The following VWA2 variants were observed in gnomAD, a reference collection of about 807,000 sequenced individuals.
The protein encoded by VWA2 is von Willebrand factor A domain containing 2.
In VWA2, 73 loss-of-function variants were observed where a neutral mutation model predicts 70.4. The ratio of observed to expected loss-of-function variants is 1.04; its 90% confidence interval spans 0.86 to 1.26. VWA2 has a LOEUF of 1.26. VWA2 is among the 50% of genes most tolerant of loss of function. The pLI is 0.00. For synonymous variants in VWA2, 407 were observed against 423.3 expected (o/e 0.96, Z 0.47); for missense variants, 1,011 against 998.5 (o/e 1.01, Z -0.17).
intron 1 of VWA2, among the ~76,000 whole-genome samples, chr10:114,242,824 A>G (rs1218593482): frequency 1.3e-5 from 2 of 152,228 alleles, no homozygotes; most frequent in Non-Finnish European, 2.9e-5. Flanking sequence ...GTAATGATAA[A>G]CTTTTAACAT....
rs1428252593 is a variant in VWA2, at chr10:114,248,698, C to T, written c.-10-6C>T. On this transcript the variant is annotated splice_polypyrimidine_tract_variant and splice_region_variant and intron_variant, in intron 1 of 13. Coordinates refer to ENST00000392982, the MANE Select transcript of VWA2 (RefSeq NM_001272046.2). The stretch of plus-strand genomic sequence containing the variant: ...ATACTTTCTTTCTTTTCCTGTGTCC[C>T]TGTAGTTATATCAACATGCCCCCTT... 6.2e-7 allele frequency: 1 copy of T among 1,611,960 alleles called. No homozygotes were observed. The highest frequency in any genetic ancestry group is 8.5e-7 in the Non-Finnish European group (1 of 1,178,134).
chr10:114,261,864 C>T (rs914771636), intron 5 of VWA2, among the ~76,000 whole-genome samples: 1 of 152,134 alleles, frequency 6.6e-6, no homozygotes, highest in Non-Finnish European at 1.5e-5. Context: ...CTCATGGTTG[C>T]GCAGGCTGTA....
chr10:114,282,580 T>C lies in VWA2; in HGVS notation c.889+9T>C. On this transcript the variant is annotated intron_variant, in intron 9 of 13. Coordinates refer to ENST00000392982, the MANE Select transcript of VWA2 (RefSeq NM_001272046.2). ...CAGGACCACCTGCCCAGGTATGGTCTGTCTCTTGGATTTACAGGTTCTTTC... is the reference window on the plus strand; with the variant it reads ...CAGGACCACCTGCCCAGGTATGGTCCGTCTCTTGGATTTACAGGTTCTTTC... 6.2e-7 allele frequency: 1 copy of C among 1,613,666 alleles called. No individual in the cohort carries two copies. The highest frequency in any genetic ancestry group is 8.5e-7 in the Non-Finnish European group (1 of 1,179,558).
chr10:114,279,091 C>T (rs1344301839), intron 8 of VWA2, among the ~76,000 whole-genome samples: 6 of 152,186 alleles, frequency 3.9e-5, no homozygotes, highest in Non-Finnish European at 8.8e-5. Flanking sequence ...GGGTCACAGG[C>T]ATTCTGGAAG....
intron 1 of VWA2, chr10:114,245,934 G>A (rs943597161): frequency 7.2e-6 from 3 of 419,518 alleles, no homozygotes; most frequent in East Asian, 1.1e-4. Flanking sequence ...GTTCCAAGTG[G>A]TGCATATTTT....
chr10:114,283,696 A>G (rs554369106), intron 9 of VWA2, among the ~76,000 whole-genome samples: 5 of 152,214 alleles, frequency 3.3e-5, no homozygotes, highest in Non-Finnish European at 7.3e-5. Context: ...GGTTGTGACA[A>G]TGAAATGGGA....
At chr10:114,262,785 T>G (rs1450239285) in intron 5 of VWA2, among the ~76,000 whole-genome samples, 2 of 152,216 alleles carry the variant, frequency 1.3e-5, no homozygotes, top group Non-Finnish European at 2.9e-5. Context: ...CGGCAAGTCA[T>G]CATGCAAGAA....
intron 6 of VWA2, among the ~76,000 whole-genome samples, chr10:114,274,078 A>G (rs1313444500): frequency 6.6e-6 from 1 of 152,214 alleles, no homozygotes; most frequent in Non-Finnish European, 1.5e-5. Flanking sequence ...GGTGGTAAGT[A>G]CAAAGGCCCT....
Position 114,248,704 on chromosome 10 carries a change from T to G in VWA2, c.-10T>G, listed in dbSNP as rs747610364. On this transcript the variant is annotated splice_region_variant and 5_prime_UTR_variant, in exon 2 of 14. Coordinates refer to ENST00000392982, the MANE Select transcript of VWA2 (RefSeq NM_001272046.2). ...TCTTTCTTTTCCTGTGTCCCTGTAG[T>G]TATATCAACATGCCCCCTTTCCTGT... 6.2e-7 allele frequency: 1 copy of G among 1,612,676 alleles called. No homozygotes were observed. Among genetic ancestry groups the G allele is most frequent in the Non-Finnish European group, 8.5e-7 (1 of 1,178,722 alleles).
intron 2 of VWA2, 68 bp downstream of exon 2, chr10:114,248,833 C>A: frequency 6.9e-7 from 1 of 1,441,604 alleles, no homozygotes; most frequent in Non-Finnish European, 9.8e-7. Flanking sequence ...TGCTTCAAAT[C>A]CTGTTGATTT....
At position 114,248,559 on chromosome 10, in the gene VWA2, A is replaced by G. The variant is rs1167922646; in HGVS notation, c.-10-145A>G. The G allele has an allele frequency of 4.6e-6, 3 of 657,320 alleles. No homozygotes were observed. In the East Asian group the frequency reaches 8.2e-5, roughly 18 times the overall value. 40.7% of individuals were successfully genotyped at this position (657,320 alleles called of 1,614,324 possible). On this transcript the variant is annotated intron_variant, in intron 1 of 13. Transcript: ENST00000392982. ...GTCTTCCATGACTTGGGAATTGGGG[A>G]CTTTTCTAGTTATTGTGGTGAGGGC...
intron 3 of VWA2, 43 bp downstream of exon 3, chr10:114,253,768 C>G: frequency 1.9e-6 from 3 of 1,548,438 alleles, no homozygotes; most frequent in Non-Finnish European, 2.7e-6. Context: ...CCCACTCAGA[C>G]CTCTGTGTGA....
chr10:114,251,532 G>A (rs2037195741), intron 2 of VWA2, among the ~76,000 whole-genome samples: 1 of 152,206 alleles, frequency 6.6e-6, no homozygotes, highest in Non-Finnish European at 1.5e-5. Flanking sequence ...AAAAGAAACT[G>A]TATTTTTCTG....
At chr10:114,283,328 AGCAGTTAGACACACAGGCAGGGTAG>A (rs1564735886) in intron 9 of VWA2, among the ~76,000 whole-genome samples, 1 of 149,724 alleles carries the variant, frequency 6.7e-6, no homozygotes, top group Non-Finnish European at 1.5e-5. Flanking sequence ...CAGGGTAGCG[AGCAGTTAGACACACAGGCAGGGTAG>A]CGAGCAGTTA....
At position 114,281,761 on chromosome 10, in the gene VWA2, C is replaced by T. The variant is rs916816176; in HGVS notation, c.834-755C>T. On this transcript the variant is annotated intron_variant, in intron 8 of 13. Coordinates refer to ENST00000392982, the MANE Select transcript of VWA2 (RefSeq NM_001272046.2). ...CCTTGCTCCTTCAGTGCTCTTCTCT[C>T]CCCATCGAAGCTTTAAGGAATACAG... is the stretch of plus-strand genomic sequence containing the variant. 3 of 985,220 alleles carry T rather than the reference C, an allele frequency of 3.0e-6. 1 individual carries two copies. The South Asian group carries it at 1.4e-4, about 46-fold the overall frequency. 61.0% of individuals were successfully genotyped at this position (985,220 alleles called of 1,614,324 possible).
chr10:114,268,675 G>A lies in VWA2; in HGVS notation c.372-4065G>A, dbSNP rs116186278. 9.1e-3 allele frequency among the ~76,000 whole-genome samples: 1,367 copies of A among 151,046 alleles called. 24 individuals carry two copies. The highest frequency in any genetic ancestry group is 0.032 in the African/African-American group (1,305 of 40,812). On this transcript the variant is annotated intron_variant, in intron 5 of 13. Coordinates refer to ENST00000392982, the MANE Select transcript of VWA2 (RefSeq NM_001272046.2). ...GGCAGAAGTGCTTCCTGGAGTAAGC[G>A]GAGGGATTTCTTTTTCTTTTTTCTT...
chr10:114,289,001 A>C lies in VWA2; in HGVS notation c.1634A>C (p.Glu545Ala), dbSNP rs149262685. The change falls in exon 12 of 14, where the codon GAG (glutamate) becomes GCG (alanine). Residue 545 changes from glutamate (E) to alanine (A), a missense_variant. By Grantham distance (107) the Glu-to-Ala change is moderately radical. Coordinates refer to ENST00000392982, the MANE Select transcript of VWA2 (RefSeq NM_001272046.2). ...MLDTSASVGP[E>A]NFAQMQSFVR... Reference sequence around the variant, plus strand: ...GACACCTCTGCCTCAGTAGGGCCCGAGAATTTTGCTCAGATGCAGAGCTTT... The same window carrying C: ...GACACCTCTGCCTCAGTAGGGCCCGCGAATTTTGCTCAGATGCAGAGCTTT... The C allele has an allele frequency of 1.4e-5, 23 of 1,614,022 alleles. No homozygotes were observed. The African/African-American group carries it at 1.7e-4, about 12-fold the overall frequency.
At chr10:114,284,203 G>C (rs1264795195) in intron 9 of VWA2, among the ~76,000 whole-genome samples, 1 of 152,244 alleles carries the variant, frequency 6.6e-6, no homozygotes, top group African/African-American at 2.4e-5. Flanking sequence ...CAGCTTTGAA[G>C]AGGCCTTGCT....
rs1257805170 is a variant in VWA2 at position 114,261,170 on chromosome 10, C to T, written c.262-16C>T. The T allele has an allele frequency of 8.8e-6, 14 of 1,594,328 alleles. No individual in the cohort carries two copies. The highest frequency in any genetic ancestry group is 1.1e-5 in the Non-Finnish European group (13 of 1,163,080). On this transcript the variant is annotated splice_polypyrimidine_tract_variant and intron_variant, in intron 4 of 13. Coordinates refer to ENST00000392982, the MANE Select transcript of VWA2 (RefSeq NM_001272046.2). ...CTCCAGTCTCGGGGCCCTGAGCCCCCTGTCTCCTACTGCAGGTCAGAGTGG... is the reference window on the plus strand; with the variant it reads ...CTCCAGTCTCGGGGCCCTGAGCCCCTTGTCTCCTACTGCAGGTCAGAGTGG...
Sources: gnomAD v4.1 joint callset for allele counts (sites outside exome capture counted in the v4.1 genomes callset) on GRCh38, gnomAD v4.1.1 for gene constraint, MANE v1.5 for transcripts, NCBI Gene and HGNC (gene_info 2026-07-23, HGNC 2026-07-21) for gene names.